Variants in ARID5A observed in about 807,000 individuals in gnomAD.
The protein encoded by ARID5A is AT-rich interactive domain-containing protein 5A.
In ARID5A, 14 loss-of-function variants were observed where a neutral mutation model predicts 30.5. That is an observed-to-expected ratio of 0.46 (90% confidence interval 0.30 to 0.72). The LOEUF is 0.72. Among genes scored for constraint, ARID5A ranks in the 30% least tolerant of loss-of-function variants. The pLI is 0.07. For synonymous variants in ARID5A, 338 were observed against 340.4 expected, an observed-to-expected ratio of 0.99 and a Z score of 0.08; for missense variants, 669 against 786.2, an observed-to-expected ratio of 0.85 and a Z score of 1.78.
In ARID5A at chr2:96,550,531, A is replaced by G. The variant is rs1392851909; in HGVS notation, c.411-43A>G. 6.5e-7 allele frequency: 1 copy of G among 1,545,986 alleles called. No homozygotes were observed. Among genetic ancestry groups the G allele is most frequent in the Non-Finnish European group, 8.7e-7 (1 of 1,144,610 alleles). ...GAGGCTACAGAGGCCCAGGGAGGGG[A>G]TGGGCGCCGGCCTCCTGGGGGACAT... is the stretch of plus-strand genomic sequence containing the variant. On this transcript the variant is annotated intron_variant, in intron 5 of 6. Transcript: ENST00000357485. The surrounding 1 kb of genome is among the most constrained non-coding windows in gnomAD (Gnocchi z 6.6).
chr2:96,552,020 G>C lies in ARID5A; in HGVS notation c.1492G>C (p.Glu498Gln). The C allele has an allele frequency of 6.5e-7, 1 of 1,528,610 alleles. No individual in the cohort carries two copies. Among genetic ancestry groups the C allele is most frequent in the Non-Finnish European group, 8.8e-7 (1 of 1,138,892 alleles). The allele number at this position is 1,528,610 out of a possible 1,614,324, so 94.7% of individuals were successfully genotyped here. ...LGPALGPVPP[E>Q]AYRGTMLHCP... Reference sequence around the variant, plus strand: ...CCCAGCCCTGGGGCCTGTGCCCCCAGAGGCCTACAGGGGCACCATGCTGCA... The same window carrying C: ...CCCAGCCCTGGGGCCTGTGCCCCCACAGGCCTACAGGGGCACCATGCTGCA... The change falls in exon 7 of 7, where the codon GAG becomes CAG. Residue 498 changes from glutamate (E) to glutamine (Q), a missense_variant. Physicochemically the swap from Glu to Gln is conservative, Grantham distance 29 (BLOSUM62 2). Coordinates refer to ENST00000357485, the MANE Select transcript of ARID5A (RefSeq NM_212481.3).
At chr2:96,538,109 T>C in intron 1 of ARID5A, 1 of 985,458 alleles carries the variant, frequency 1.0e-6, no homozygotes, top group Non-Finnish European at 1.2e-6. Flanking sequence ...TAGAACTTGG[T>C]GTGGCAGAGG....
Position 96,550,959 on chromosome 2 carries a change from G to A in ARID5A, c.571-140G>A. 7 of 1,226,568 alleles carry A rather than the reference G, an allele frequency of 5.7e-6. No individual in the cohort carries two copies. The highest frequency in any genetic ancestry group is 7.9e-6 in the Non-Finnish European group (7 of 881,822). The allele number at this position is 1,226,568 out of a possible 1,614,324, so 76.0% of individuals were successfully genotyped here. On this transcript the variant is annotated intron_variant, in intron 6 of 6. Coordinates refer to ENST00000357485, the MANE Select transcript of ARID5A (RefSeq NM_212481.3). The surrounding 1 kb of genome is among the most constrained non-coding windows in gnomAD (Gnocchi z 6.6). Reference sequence around the variant, plus strand: ...TGAGGCTGTGTCCACTCAGAGGACAGGGCACCTTTGGAAAATTCTGTACAG... The same window carrying A: ...TGAGGCTGTGTCCACTCAGAGGACAAGGCACCTTTGGAAAATTCTGTACAG...
Position 96,550,712 on chromosome 2 carries a change from G to A in ARID5A, c.549G>A (p.Lys183=). 1 of 1,586,112 alleles carries A rather than the reference G, an allele frequency of 6.3e-7. No homozygotes were observed. Residue 183 remains lysine, a synonymous_variant, in exon 6 of 7, where the codon AAG becomes AAA. Transcript: ENST00000357485. This position sits in a 1 kb window ranked among gnomAD's most constrained non-coding sequence, Gnocchi z 6.6. The part of the protein sequence containing the change: ...DGATERPKKA[K]EERRMDQMMP... ...CCACCGAGAGGCCGAAGAAGGCCAA[G>A]GAGGAGCGGCGCATGGACCAGGTAG...
chr2:96,542,211 A>G (rs2065858258), intron 1 of ARID5A, among the ~76,000 whole-genome samples: 1 of 152,126 alleles, frequency 6.6e-6, no homozygotes, highest in East Asian at 1.9e-4. Flanking sequence ...ACCAAGGGGG[A>G]GAGGACTCTC....
chr2:96,550,506 G>C lies in ARID5A; in HGVS notation c.411-68G>C. ...CGCCGGCGGGGAAGGGGGCTCAGAGGAGGCTACAGAGGCCCAGGGAGGGGA... is the reference window on the plus strand; with the variant it reads ...CGCCGGCGGGGAAGGGGGCTCAGAGCAGGCTACAGAGGCCCAGGGAGGGGA... On this transcript the variant is annotated intron_variant, in intron 5 of 6. Coordinates refer to ENST00000357485, the MANE Select transcript of ARID5A (RefSeq NM_212481.3). This position sits in a 1 kb window ranked among gnomAD's most constrained non-coding sequence, Gnocchi z 6.6. 6.6e-7 allele frequency: 1 copy of C among 1,508,844 alleles called. No homozygotes were observed. Among genetic ancestry groups the C allele is most frequent in the Non-Finnish European group, 8.9e-7 (1 of 1,125,294 alleles). The allele number at this position is 1,508,844 out of a possible 1,614,324, so 93.5% of individuals were successfully genotyped here.
chr2:96,538,457 C>A (rs1407436201), intron 1 of ARID5A: 7 of 505,198 alleles, frequency 1.4e-5, no homozygotes, highest in East Asian at 1.1e-4. Flanking sequence ...CTCTCGCCCT[C>A]CCCCAAGCTG....
rs1363319095 is a variant in ARID5A, at chr2:96,539,700, G to A, written c.4+2870G>A. ...CCAGGGAAGTTGATTCATAGAGTGTGGGGGCCATGCCCCTTCCCGGCCCTC... is the reference window on the plus strand; with the variant it reads ...CCAGGGAAGTTGATTCATAGAGTGTAGGGGCCATGCCCCTTCCCGGCCCTC... On this transcript the variant is annotated intron_variant, in intron 1 of 6. Transcript: ENST00000357485. The surrounding 1 kb of genome is among the most constrained non-coding windows in gnomAD (Gnocchi z 4.7). Among the ~76,000 whole-genome samples the A allele has an allele frequency of 6.6e-6, 1 of 152,136 alleles. No homozygotes were observed. Among genetic ancestry groups the A allele is most frequent in the African/African-American group, 2.4e-5 (1 of 41,398 alleles).
Position 96,537,792 on chromosome 2 carries a change from G to T in ARID5A, c.4+962G>T. On this transcript the variant is annotated intron_variant, in intron 1 of 6. Coordinates refer to ENST00000357485, the MANE Select transcript of ARID5A (RefSeq NM_212481.3). This position sits in a 1 kb window ranked among gnomAD's most constrained non-coding sequence, Gnocchi z 4.8. ...GTCGCGTCACCCTCCGCCCAGCGCC[G>T]GCGTGGTGGGGCTTGCGCGGTGCAG... 1 of 917,072 alleles carries T rather than the reference G, an allele frequency of 1.1e-6. No individual in the cohort carries two copies. The highest frequency in any genetic ancestry group is 6.2e-5 in the Admixed American group (1 of 16,214). 56.8% of individuals were successfully genotyped at this position (917,072 alleles called of 1,614,324 possible). A position where few individuals can be genotyped will look rare whatever the true frequency, so the allele number is the denominator to read the frequency against.
rs954857999 is a variant in ARID5A, at chr2:96,539,929, T to C, written c.4+3099T>C. On this transcript the variant is annotated intron_variant, in intron 1 of 6. Transcript: ENST00000357485. This position sits in a 1 kb window ranked among gnomAD's most constrained non-coding sequence, Gnocchi z 4.7. ...GAACTTGAGGTCTCCCTGCTCCCAT[T>C]AGAAAGAAAAAAATCTCTAGCTCTC... Among the ~76,000 whole-genome samples, 42 of 152,132 alleles carry C rather than the reference T, an allele frequency of 2.8e-4. No homozygotes were observed. The highest frequency in any genetic ancestry group is 5.1e-4 in the Non-Finnish European group (35 of 68,008).
chr2:96,540,610 G>A (rs1031704389), intron 1 of ARID5A, among the ~76,000 whole-genome samples: 2 of 152,206 alleles, frequency 1.3e-5, no homozygotes, highest in African/African-American at 4.8e-5. Context: ...GAACTTCTGA[G>A]GACTGCAGAG....
Position 96,550,663 on chromosome 2 carries a change from A to G in ARID5A, c.500A>G (p.Lys167Arg). The change falls in exon 6 of 7, where the codon AAG becomes AGG. Residue 167 changes from lysine (K) to arginine (R), a missense_variant. By Grantham distance (26) the Lys-to-Arg change is conservative (BLOSUM62 2). Coordinates refer to ENST00000357485, the MANE Select transcript of ARID5A (RefSeq NM_212481.3). The surrounding 1 kb of genome is among the most constrained non-coding windows in gnomAD (Gnocchi z 6.6). ...CCCAGGAAACAGTACAAGATGGCTA[A>G]GGAGAACAGGGGGGATGATGGGGCC... Reference protein sequence around the residue: ...SKPRKQYKMAKENRGDDGATE... With the variant: ...SKPRKQYKMARENRGDDGATE... The G allele has an allele frequency of 1.2e-6, 2 of 1,604,858 alleles. No individual in the cohort carries two copies. Among genetic ancestry groups the G allele is most frequent in the Non-Finnish European group, 1.7e-6 (2 of 1,176,424 alleles).
chr2:96,544,119 GA>G (rs1231974761), intron 1 of ARID5A, among the ~76,000 whole-genome samples: 1 of 152,222 alleles, frequency 6.6e-6, no homozygotes, highest in Non-Finnish European at 1.5e-5. Flanking sequence ...AGCTGCAGAA[GA>G]AAAGTTGGAA....
At chr2:96,546,480 C>T (rs1406152884) in intron 1 of ARID5A, among the ~76,000 whole-genome samples, 1 of 152,224 alleles carries the variant, frequency 6.6e-6, no homozygotes, top group Non-Finnish European at 1.5e-5. Flanking sequence ...ATGGCTTCTC[C>T]TGCCCACCAC....
intron 1 of ARID5A, among the ~76,000 whole-genome samples, chr2:96,546,977 CA>C (rs1345015542): frequency 6.6e-6 from 1 of 152,072 alleles, no homozygotes; most frequent in Admixed American, 6.5e-5. Flanking sequence ...GACTTGACCT[CA>C]AGGTGGTTTT....
At chr2:96,542,690 G>C (rs1209372413) in intron 1 of ARID5A, among the ~76,000 whole-genome samples, 1 of 152,190 alleles carries the variant, frequency 6.6e-6, no homozygotes, top group Non-Finnish European at 1.5e-5. Flanking sequence ...TCTAACCACT[G>C]TATTTTTCTG....
At chr2:96,545,303 C>T (rs921778097) in intron 1 of ARID5A, among the ~76,000 whole-genome samples, 1 of 151,806 alleles carries the variant, frequency 6.6e-6, no homozygotes, top group African/African-American at 2.4e-5. Flanking sequence ...ACTACTGGGA[C>T]CTGCCACCAC....
chr2:96,549,928 T>C lies in ARID5A; in HGVS notation c.312+123T>C. 6.5e-7 allele frequency: 1 copy of C among 1,528,140 alleles called. No homozygotes were observed. The highest frequency in any genetic ancestry group is 8.8e-7 in the Non-Finnish European group (1 of 1,136,054). 94.7% of individuals were successfully genotyped at this position (1,528,140 alleles called of 1,614,324 possible). On this transcript the variant is annotated intron_variant, in intron 4 of 6. Coordinates refer to ENST00000357485, the MANE Select transcript of ARID5A (RefSeq NM_212481.3). The surrounding 1 kb of genome is among the most constrained non-coding windows in gnomAD (Gnocchi z 6.1). ...CCAGTCCTACCCCTGCGTCCCTGCC[T>C]CCCTGCCTTCCCCGCTGGTACTCTG... is the stretch of plus-strand genomic sequence containing the variant.
rs936691782 is a variant in ARID5A at position 96,536,783 on chromosome 2, G to T, written c.-44G>T. ...GAGAGCGCGGGGTCCGGACAGCCGC[G>T]CGCTGAGGGTCTCGGGGCGGGCGCC... On this transcript the variant is annotated 5_prime_UTR_variant, in exon 1 of 7. Transcript: ENST00000357485. The T allele has an allele frequency of 1.7e-6, 2 of 1,187,572 alleles. No homozygotes were observed. Among genetic ancestry groups the T allele is most frequent in the Non-Finnish European group, 1.0e-6 (1 of 961,704 alleles). 73.6% of individuals were successfully genotyped at this position (1,187,572 alleles called of 1,614,324 possible). A position where few individuals can be genotyped will look rare whatever the true frequency, so the allele number is the denominator to read the frequency against.
Sources: allele counts gnomAD v4.1 joint callset (sites outside exome capture counted in the v4.1 genomes callset), GRCh38; gene constraint gnomAD v4.1.1; non-coding constraint Gnocchi (gnomAD v3.1); transcripts MANE v1.5; gene names NCBI Gene and HGNC (gene_info 2026-07-23, HGNC 2026-07-21).